TMOD2: variants seen among roughly 807,000 people sequenced by gnomAD.
TMOD2 encodes the protein tropomodulin-2.
In TMOD2, 22 loss-of-function variants were observed where a neutral mutation model predicts 39.9. The ratio of observed to expected loss-of-function variants is 0.55; its 90% CI spans 0.39 to 0.79. The LOEUF (loss-of-function observed/expected upper bound fraction) is 0.79. Among genes scored for constraint, TMOD2 ranks in the 30% least tolerant of loss-of-function variants. The probability of loss-of-function intolerance (pLI) is 0.00; values close to 1 mark genes in which losing one functional copy is unlikely to be tolerated. For missense variants in TMOD2, 386 were observed against 413.3 expected (o/e 0.93, Z 0.57); for synonymous variants, 123 against 146.1 (o/e 0.84, Z 1.14).
At chr15:51,790,074 G>A (rs113365440) in intron 7 of TMOD2, among the ~76,000 whole-genome samples, 4,770 of 152,190 alleles carry the variant, frequency 0.031, 123 homozygotes, top group Non-Finnish European at 0.05. Context: ...TCCAGGAGCT[G>A]GTTTTTTGAA....
At chr15:51,774,977 G>A (rs1056894129) in intron 4 of TMOD2, among the ~76,000 whole-genome samples, 1 of 151,906 alleles carries the variant, frequency 6.6e-6, no homozygotes, top group Admixed American at 6.6e-5. Flanking sequence ...AACTGTCCTC[G>A]TTCATCCTTA....
At chr15:51,802,833 A>C (rs1298162156) in intron 8 of TMOD2, among the ~76,000 whole-genome samples, 9 of 152,220 alleles carry the variant, frequency 5.9e-5, no homozygotes, top group Non-Finnish European at 1.3e-4. Context: ...CTAACTGGAA[A>C]TACCACATTG....
chr15:51,795,913 G>A lies in TMOD2; in HGVS notation c.733-2284G>A, dbSNP rs1241967343. 1.1e-4 allele frequency among the ~76,000 whole-genome samples: 11 copies of A among 100,010 alleles called. No homozygotes were observed. The East Asian group carries it at 2.2e-3, about 20-fold the overall frequency. 65.6% of individuals were successfully genotyped at this position (100,010 alleles called of 152,430 possible). A position where few individuals can be genotyped will look rare whatever the true frequency, so the allele number is the denominator to read the frequency against. On this transcript the variant is annotated intron_variant, in intron 7 of 9. Coordinates refer to ENST00000249700, the MANE Select transcript of TMOD2 (RefSeq NM_014548.4). ...CTCCGCCGCCCCCCACCCCCCACCC[G>A]ACTTTTTCTCTCTTTCTTTCTTTTT...
At chr15:51,772,284 CTG>C (rs910241305) in intron 3 of TMOD2, among the ~76,000 whole-genome samples, 1 of 152,178 alleles carries the variant, frequency 6.6e-6, no homozygotes, top group African/African-American at 2.4e-5. Flanking sequence ...ATTTCAAAGA[CTG>C]TGCCCCAAAA....
intron 1 of TMOD2, among the ~76,000 whole-genome samples, chr15:51,754,037 A>G (rs1374178801): frequency 2.0e-5 from 3 of 150,126 alleles, no homozygotes; most frequent in Non-Finnish European, 4.5e-5. Context: ...GAAATCACCT[A>G]TTGGAGGTGT....
At chr15:51,781,659 C>G (rs2055930647) in intron 6 of TMOD2, among the ~76,000 whole-genome samples, 1 of 152,142 alleles carries the variant, frequency 6.6e-6, no homozygotes, top group Non-Finnish European at 1.5e-5. Flanking sequence ...CATGTGGCTC[C>G]CCAGAGCGAG....
rs1485869861 is a variant in TMOD2 at position 51,810,242 on chromosome 15, AAC to A, written c.*1789_*1790del. 1 of 152,214 alleles carries A rather than the reference AAC, an allele frequency of 6.6e-6. No individual in the cohort carries two copies. The highest frequency in any genetic ancestry group is 1.9e-4 in the East Asian group (1 of 5,196). 9.4% of individuals were successfully genotyped at this position (152,214 alleles called of 1,614,324 possible). On this transcript the variant is annotated 3_prime_UTR_variant, in exon 10 of 10. Coordinates refer to ENST00000249700, the MANE Select transcript of TMOD2 (RefSeq NM_014548.4). ...CTGTTATATTTTCAAGAATTTTGCA[AAC>A]TGGTTGTTCAATACAGCCATTATTT...
chr15:51,773,301 G>A (rs1447301944), intron 3 of TMOD2, among the ~76,000 whole-genome samples: 1 of 152,204 alleles, frequency 6.6e-6, no homozygotes, highest in Non-Finnish European at 1.5e-5. Flanking sequence ...TGCTGGATGG[G>A]CATATCCCTT....
Position 51,813,171 on chromosome 15 carries a change from T to C in TMOD2, c.*4717T>C, listed in dbSNP as rs1019935813. On this transcript the variant is annotated 3_prime_UTR_variant, in exon 10 of 10. Transcript: ENST00000249700. ...AATTGCTGACCGAGGTGGGGAAGGA[T>C]GATGGAAATTAAAGGTTTACATTTG... The C allele has an allele frequency of 6.6e-6, 1 of 152,244 alleles. No homozygotes were observed. Among genetic ancestry groups the C allele is most frequent in the African/African-American group, 2.4e-5 (1 of 41,458 alleles). 9.4% of individuals were successfully genotyped at this position (152,244 alleles called of 1,614,324 possible).
intron 5 of TMOD2, among the ~76,000 whole-genome samples, chr15:51,777,422 T>C (rs564681758): frequency 2.0e-5 from 3 of 152,188 alleles, no homozygotes; most frequent in Non-Finnish European, 4.4e-5. Flanking sequence ...CCTTCTCTAT[T>C]TGAGTGTCTT....
rs1188682078 is a variant in TMOD2, at chr15:51,813,125, A to T, written c.*4671A>T. On this transcript the variant is annotated 3_prime_UTR_variant, in exon 10 of 10. Coordinates refer to ENST00000249700, the MANE Select transcript of TMOD2 (RefSeq NM_014548.4). ...TAGATCAGATTGGATTTTACTTTGT[A>T]GTTCAGGAGTTAAGAAGTCAAATTG... 6.6e-6 allele frequency: 1 copy of T among 152,200 alleles called. No homozygotes were observed. Among genetic ancestry groups the T allele is most frequent in the Non-Finnish European group, 1.5e-5 (1 of 68,036 alleles). The allele number at this position is 152,200 out of a possible 1,614,324, so 9.4% of individuals were successfully genotyped here.
At chr15:51,776,732 A>G (rs1292270508) in intron 4 of TMOD2, among the ~76,000 whole-genome samples, 200 bp from the exon 5 acceptor site, 1 of 152,216 alleles carries the variant, frequency 6.6e-6, no homozygotes, top group African/African-American at 2.4e-5. Context: ...GTAGAAAGAC[A>G]GGAAGATTTC....
intron 1 of TMOD2, among the ~76,000 whole-genome samples, chr15:51,759,784 A>C (rs774986673): frequency 1.3e-5 from 2 of 152,200 alleles, no homozygotes; most frequent in East Asian, 3.8e-4. Flanking sequence ...GAAAAATTTA[A>C]TAAAGAGGCT....
At chr15:51,783,634 G>C (rs1446154980) in intron 7 of TMOD2, 2 of 152,154 alleles carry the variant, frequency 1.3e-5, no homozygotes, top group East Asian at 3.9e-4. Context: ...TACACCTCTG[G>C]TCCCAGCGAC....
rs187640660 is a variant in TMOD2 at position 51,787,724 on chromosome 15, G to C, written c.732+4896G>C. On this transcript the variant is annotated intron_variant, in intron 7 of 9. Coordinates refer to ENST00000249700, the MANE Select transcript of TMOD2 (RefSeq NM_014548.4). The stretch of plus-strand genomic sequence containing the variant: ...GTGATACCCAGGAAAACAGGGTCTG[G>C]AGTGGACCTCCAGCAAACTCCAGCA... Among the ~76,000 whole-genome samples, 8 of 152,332 alleles carry C rather than the reference G, an allele frequency of 5.3e-5. No homozygotes were observed. The East Asian group carries it at 1.5e-3, about 29-fold the overall frequency.
chr15:51,796,493 G>A (rs2056052309), intron 7 of TMOD2, among the ~76,000 whole-genome samples: 1 of 151,962 alleles, frequency 6.6e-6, no homozygotes, highest in Admixed American at 6.6e-5. Flanking sequence ...TTCTGGGAGG[G>A]GCACCTTTCA....
At position 51,808,492 on chromosome 15, in the gene TMOD2, G is replaced by T. The variant is rs1486978929; in HGVS notation, c.*38G>T. ...AGAAGTGAAGTTTCACTGTGGTATGGCCATTGAAAAACAAAAACTCTTCTT... is the reference window on the plus strand; with the variant it reads ...AGAAGTGAAGTTTCACTGTGGTATGTCCATTGAAAAACAAAAACTCTTCTT... On this transcript the variant is annotated 3_prime_UTR_variant, in exon 10 of 10. Transcript: ENST00000249700. 1 of 1,580,912 alleles carries T rather than the reference G, an allele frequency of 6.3e-7. No individual in the cohort carries two copies. Among genetic ancestry groups the T allele is most frequent in the South Asian group, 1.2e-5 (1 of 86,186 alleles).
chr15:51,772,343 GAAT>G (rs1314180751), intron 3 of TMOD2, among the ~76,000 whole-genome samples: 1 of 152,154 alleles, frequency 6.6e-6, no homozygotes, highest in Admixed American at 6.5e-5. Flanking sequence ...CAAAAGCTGG[GAAT>G]AATTAGAAAG....
chr15:51,803,934 CT>C (rs1399383969), intron 8 of TMOD2, among the ~76,000 whole-genome samples: 1 of 152,236 alleles, frequency 6.6e-6, no homozygotes, highest in African/African-American at 2.4e-5. Flanking sequence ...TTTTCACCAA[CT>C]GTATAGACAA....
Sources: allele counts gnomAD v4.1 joint callset (sites outside exome capture counted in the v4.1 genomes callset), GRCh38; gene constraint gnomAD v4.1.1; transcripts MANE v1.5; gene names NCBI Gene and HGNC (gene_info 2026-07-23, HGNC 2026-07-21).